OGDH: variants seen among roughly 807,000 people sequenced by gnomAD.
OGDH encodes 2-oxoglutarate dehydrogenase complex component E1.
A neutral mutation model predicts 116.6 loss-of-function variants in OGDH; 38 were observed. The ratio of observed to expected loss-of-function variants is 0.33; its 90% CI spans 0.25 to 0.43. The LOEUF (loss-of-function observed/expected upper bound fraction) is 0.43. OGDH is among the 20% of genes least tolerant of loss of function. OGDH has a pLI of 1.00. For synonymous variants in OGDH, 488 were observed against 533.3 expected (o/e 0.92, Z 1.17); for missense variants, 825 against 1,357.2 (o/e 0.61, Z 6.16).
At chr7:44,638,083 C>A (rs1197088845) in intron 2 of OGDH, among the ~76,000 whole-genome samples, 2 of 152,180 alleles carry the variant, frequency 1.3e-5, no homozygotes, top group Non-Finnish European at 2.9e-5. Context: ...CCTTTTCCCC[C>A]TTATCAGTGA....
At chr7:44,701,673 C>A in intron 20 of OGDH, 58 bp downstream of exon 20, 1 of 1,482,372 alleles carries the variant, frequency 6.7e-7, no homozygotes. Context: ...GGCTTCTTTG[C>A]TGCTGCTCTT....
intron 10 of OGDH, among the ~76,000 whole-genome samples, chr7:44,693,153 C>T (rs1036159565): frequency 3.3e-5 from 5 of 151,960 alleles, no homozygotes; most frequent in Non-Finnish European, 7.4e-5. Flanking sequence ...CTAAAAATAA[C>T]AAAAATTAGC....
intron 1 of OGDH, among the ~76,000 whole-genome samples, chr7:44,612,751 G>A (rs1784613962): frequency 1.3e-5 from 2 of 151,952 alleles, no homozygotes; most frequent in South Asian, 2.1e-4. Flanking sequence ...GGCTGGAGTA[G>A]AGTGGCATTA....
chr7:44,626,336 T>TAC (rs138545641), intron 2 of OGDH, among the ~76,000 whole-genome samples: 2,841 of 144,398 alleles, frequency 0.02, 33 homozygotes, highest in Middle Eastern at 0.036. Flanking sequence ...CACACACCCC[T>TAC]ACACACACAC....
chr7:44,649,545 C>T (rs1348229975), intron 4 of OGDH, among the ~76,000 whole-genome samples: 1 of 152,086 alleles, frequency 6.6e-6, no homozygotes, highest in Non-Finnish European at 1.5e-5. Flanking sequence ...GCAAAACATT[C>T]GAACAGGAGA....
intron 1 of OGDH, among the ~76,000 whole-genome samples, chr7:44,612,333 T>C (rs1249090506): frequency 6.6e-6 from 1 of 152,202 alleles, no homozygotes; most frequent in Admixed American, 6.6e-5. Flanking sequence ...GATAGATTGA[T>C]TTCTCTCACT....
intron 1 of OGDH, among the ~76,000 whole-genome samples, chr7:44,613,802 C>CTTT (rs11397029): frequency 0.014 from 1,492 of 106,304 alleles, 58 homozygotes; most frequent in African/African-American, 0.025. Flanking sequence ...AGCCACCTGG[C>CTTT]TTTTTTTTTT....
intron 1 of OGDH, chr7:44,622,913 AGAGCTGG>A (rs1180394593): frequency 2.6e-5 from 4 of 152,232 alleles, no homozygotes; most frequent in Admixed American, 1.3e-4. Context: ...GTAAAGTGAA[AGAGCTGG>A]TGCCTGCCTT....
intron 3 of OGDH, 89 bp from the exon 4 acceptor site, chr7:44,647,568 T>C (rs777660655): frequency 4.5e-6 from 7 of 1,568,344 alleles, no homozygotes; most frequent in Non-Finnish European, 6.1e-6. Context: ...AATTTTAATG[T>C]AATTTTACTT....
intron 6 of OGDH, 40 bp from the exon 7 acceptor site, chr7:44,674,371 A>G (rs1356962716): frequency 6.2e-7 from 1 of 1,612,956 alleles, no homozygotes; most frequent in Non-Finnish European, 8.5e-7. Context: ...GGTCAGGAAG[A>G]GTGACATTGC....
At chr7:44,608,212 G>C (rs930378248) in intron 1 of OGDH, among the ~76,000 whole-genome samples, 1 of 152,104 alleles carries the variant, frequency 6.6e-6, no homozygotes, top group Non-Finnish European at 1.5e-5. Context: ...ACCAGCCTGA[G>C]CAACCAAAGT....
intron 2 of OGDH, among the ~76,000 whole-genome samples, chr7:44,644,724 G>T (rs1281493427): frequency 1.3e-5 from 2 of 152,194 alleles, no homozygotes; most frequent in Non-Finnish European, 1.5e-5. Context: ...TCTCTGTGGG[G>T]TTAGTGCTGC....
chr7:44,641,212 T>A (rs1433322580), intron 2 of OGDH, among the ~76,000 whole-genome samples: 1 of 105,362 alleles, frequency 9.5e-6, no homozygotes, highest in African/African-American at 9.8e-5. Flanking sequence ...TTTTCTTCTT[T>A]TTTTTTTTTT....
chr7:44,624,245 A>G, intron 1 of OGDH, 72 bp from the exon 2 acceptor site: 3 of 1,015,658 alleles, frequency 3.0e-6, no homozygotes, highest in Non-Finnish European at 4.4e-6. Context: ...ATCAGGATCT[A>G]GTAGCCTTGT....
chr7:44,664,351 T>C (rs755239653), intron 4 of OGDH, among the ~76,000 whole-genome samples: 8 of 152,120 alleles, frequency 5.3e-5, no homozygotes, highest in Non-Finnish European at 8.8e-5. Flanking sequence ...GAAACCTCTG[T>C]GATGGGGTTG....
chr7:44,618,455 C>G lies in OGDH; in HGVS notation c.-27-5862C>G, dbSNP rs117336134. Among the ~76,000 whole-genome samples, 155 of 152,322 alleles carry G rather than the reference C, an allele frequency of 1.0e-3. 1 individual carries two copies. In the East Asian group the frequency reaches 0.028, roughly 27 times the overall value. ...CCAGGCAACCACTAATCTACTTTCTCTCTGTATAGATTTGCCTATTCTGGA... is the reference window on the plus strand; with the variant it reads ...CCAGGCAACCACTAATCTACTTTCTGTCTGTATAGATTTGCCTATTCTGGA... On this transcript the variant is annotated intron_variant, in intron 1 of 22. Coordinates refer to ENST00000222673, the MANE Select transcript of OGDH (RefSeq NM_002541.4).
At chr7:44,639,852 A>G (rs916567655) in intron 2 of OGDH, among the ~76,000 whole-genome samples, 1 of 152,244 alleles carries the variant, frequency 6.6e-6, no homozygotes, top group Non-Finnish European at 1.5e-5. Flanking sequence ...TTGCATTCCC[A>G]GCATTTTCCT....
intron 2 of OGDH, among the ~76,000 whole-genome samples, chr7:44,628,464 CT>C (rs141614193): frequency 0.43 from 64,758 of 149,504 alleles, 14,226 homozygotes; most frequent in East Asian, 0.6. Context: ...TAATTAAAAA[CT>C]TTTTTTTAAT....
chr7:44,628,985 C>CT (rs1218329401), intron 2 of OGDH, among the ~76,000 whole-genome samples: 1 of 152,170 alleles, frequency 6.6e-6, no homozygotes, highest in Non-Finnish European at 1.5e-5. Flanking sequence ...TCTAGTCTGG[C>CT]ATTTGTGCTC....
Sources: gnomAD v4.1 joint callset for allele counts (sites outside exome capture counted in the v4.1 genomes callset) on GRCh38, gnomAD v4.1.1 for gene constraint, MANE v1.5 for transcripts, NCBI Gene and HGNC (gene_info 2026-07-23, HGNC 2026-07-21) for gene names.